The following PCSK2 variants were observed in gnomAD, a reference collection of about 807,000 sequenced individuals.
PCSK2 encodes proprotein convertase subtilisin/kexin type 2.
In PCSK2, 14 loss-of-function variants were observed where a neutral mutation model predicts 69.7. That is an observed-to-expected ratio of 0.20 (90% CI 0.13 to 0.31). PCSK2 has a LOEUF of 0.31. PCSK2 is among the 10% of genes least tolerant of loss of function. PCSK2 has a pLI of 1.00. For missense variants in PCSK2, 544 were observed against 842.5 expected, an observed-to-expected ratio of 0.65 and a Z score of 4.39; for synonymous variants, 307 against 320.7, an observed-to-expected ratio of 0.96 and a Z score of 0.46.
At chr20:17,389,032 T>C (rs1303664662) in intron 5 of PCSK2, among the ~76,000 whole-genome samples, 2 of 152,160 alleles carry the variant, frequency 1.3e-5, no homozygotes, top group East Asian at 3.9e-4. Context: ...GTACCAGAGT[T>C]GGGGTTTTCT....
At chr20:17,458,030 C>T (rs1032485050) in intron 10 of PCSK2, among the ~76,000 whole-genome samples, 9 of 152,280 alleles carry the variant, frequency 5.9e-5, no homozygotes, top group African/African-American at 2.2e-4. Flanking sequence ...CACATACGTC[C>T]AGATATCCTA....
intron 2 of PCSK2, among the ~76,000 whole-genome samples, chr20:17,288,955 G>A (rs1420206912): frequency 1.3e-5 from 2 of 152,126 alleles, no homozygotes; most frequent in East Asian, 1.9e-4. Flanking sequence ...AAGGCTATCC[G>A]CAAAGGAAAG....
At chr20:17,296,450 C>T (rs1988896646) in intron 2 of PCSK2, among the ~76,000 whole-genome samples, 1 of 152,194 alleles carries the variant, frequency 6.6e-6, no homozygotes, top group African/African-American at 2.4e-5. Flanking sequence ...CACTGCCAAA[C>T]CACTCGCGCC....
chr20:17,431,857 A>G (rs950627619), intron 7 of PCSK2, among the ~76,000 whole-genome samples: 1 of 152,194 alleles, frequency 6.6e-6, no homozygotes, highest in Non-Finnish European at 1.5e-5. Flanking sequence ...GTTTTTAATT[A>G]TTTGCTAAAA....
At chr20:17,477,332 T>TATTTA (rs2033309385) in intron 11 of PCSK2, among the ~76,000 whole-genome samples, 1 of 151,714 alleles carries the variant, frequency 6.6e-6, no homozygotes, top group African/African-American at 2.4e-5. Context: ...TATTTTATTT[T>TATTTA]ATTTATTTAT....
intron 6 of PCSK2, among the ~76,000 whole-genome samples, chr20:17,417,871 A>G (rs1568640918): frequency 6.6e-6 from 1 of 152,218 alleles, no homozygotes; most frequent in East Asian, 1.9e-4. Flanking sequence ...AAGCTCTGTG[A>G]TGAGTACATG....
chr20:17,338,132 T>C (rs997978378), intron 2 of PCSK2, among the ~76,000 whole-genome samples: 15 of 138,852 alleles, frequency 1.1e-4, no homozygotes, highest in African/African-American at 3.9e-4. Flanking sequence ...CCCTCCAGAC[T>C]CAGGTTCTTT....
intron 2 of PCSK2, among the ~76,000 whole-genome samples, chr20:17,354,902 A>G (rs910925577): frequency 3.1e-5 from 4 of 127,876 alleles, no homozygotes; most frequent in African/African-American, 1.2e-4. Flanking sequence ...ATTGTGGGGA[A>G]AAAAAAAAGT....
rs74754901 is a variant in PCSK2 at position 17,243,661 on chromosome 20, C to A, written c.177+16179C>A. ...GTAAGTCACTATTACGTAGGTGAGACCAGAGCAGTTACTGTGAAGTGGAGG... is the reference window on the plus strand; with the variant it reads ...GTAAGTCACTATTACGTAGGTGAGAACAGAGCAGTTACTGTGAAGTGGAGG... On this transcript the variant is annotated intron_variant, in intron 1 of 11. Transcript: ENST00000262545. 9.8e-4 allele frequency among the ~76,000 whole-genome samples: 149 copies of A among 152,274 alleles called. 3 individuals are homozygous for A. In the East Asian group the frequency reaches 0.023, roughly 24 times the overall value.
At chr20:17,238,224 G>C (rs1452032362) in intron 1 of PCSK2, among the ~76,000 whole-genome samples, 1 of 152,134 alleles carries the variant, frequency 6.6e-6, no homozygotes, top group African/African-American at 2.4e-5. Flanking sequence ...TAGAAAAATA[G>C]TGTTACAGTC....
chr20:17,372,500 G>C (rs989756913), intron 5 of PCSK2, among the ~76,000 whole-genome samples: 1 of 152,080 alleles, frequency 6.6e-6, no homozygotes, highest in Non-Finnish European at 1.5e-5. Flanking sequence ...GAGGAAGTTT[G>C]ATGGCCACTG....
intron 2 of PCSK2, among the ~76,000 whole-genome samples, chr20:17,334,090 C>T (rs1600499680): frequency 6.6e-6 from 1 of 151,850 alleles, no homozygotes; most frequent in Admixed American, 6.6e-5. Context: ...TACTTACCAG[C>T]TCAAGTCACT....
intron 2 of PCSK2, among the ~76,000 whole-genome samples, chr20:17,286,374 A>G (rs1261129260): frequency 2.6e-5 from 4 of 152,246 alleles, no homozygotes; most frequent in Non-Finnish European, 4.4e-5. Flanking sequence ...TTTCAAAGGC[A>G]GGAGGAAGAA....
chr20:17,375,674 A>T (rs1328032010), intron 5 of PCSK2, among the ~76,000 whole-genome samples: 1 of 152,094 alleles, frequency 6.6e-6, no homozygotes, highest in South Asian at 2.1e-4. Context: ...TCCTGTTCTG[A>T]TGGCTGGGAG....
At chr20:17,327,687 C>T (rs1327832559) in intron 2 of PCSK2, among the ~76,000 whole-genome samples, 1 of 152,232 alleles carries the variant, frequency 6.6e-6, no homozygotes, top group African/African-American at 2.4e-5. Context: ...TCCGCCAGTG[C>T]CATTTCTGCT....
intron 1 of PCSK2, among the ~76,000 whole-genome samples, chr20:17,259,160 AAC>A (rs917675476): frequency 2.0e-5 from 3 of 152,156 alleles, no homozygotes; most frequent in Admixed American, 6.5e-5. Context: ...ACTGGATGGC[AAC>A]ACACACACCA....
intron 2 of PCSK2, among the ~76,000 whole-genome samples, chr20:17,315,866 T>C (rs1347519254): frequency 6.6e-6 from 1 of 152,134 alleles, no homozygotes. Flanking sequence ...TGTGAATCCA[T>C]GGCCCGCGCG....
intron 2 of PCSK2, among the ~76,000 whole-genome samples, chr20:17,312,479 T>C (rs1402268543): frequency 6.6e-6 from 1 of 152,096 alleles, no homozygotes; most frequent in African/African-American, 2.4e-5. Flanking sequence ...ATATTAATAT[T>C]TGTAGTGAAC....
intron 1 of PCSK2, among the ~76,000 whole-genome samples, chr20:17,258,658 T>C (rs576956786): frequency 1.3e-5 from 2 of 152,234 alleles, no homozygotes; most frequent in South Asian, 4.1e-4. Context: ...AACCTTCACA[T>C]GTACCCCCAA....
Sources: gnomAD v4.1 joint callset for allele counts (sites outside exome capture counted in the v4.1 genomes callset) on GRCh38, gnomAD v4.1.1 for gene constraint, MANE v1.5 for transcripts, NCBI Gene and HGNC (gene_info 2026-07-23, HGNC 2026-07-21) for gene names.